The following TMEM132D variants were observed in gnomAD, a reference collection of about 807,000 sequenced individuals.
TMEM132D encodes the protein transmembrane protein 132D, also known as mature OL transmembrane protein.
In TMEM132D, 21 loss-of-function variants were observed where a neutral mutation model predicts 62.3. The ratio of observed to expected loss-of-function variants is 0.34; its 90% CI spans 0.24 to 0.49. The LOEUF (loss-of-function observed/expected upper bound fraction) is 0.49, where lower values mean the gene tolerates loss of function less well. Ranked by LOEUF, TMEM132D falls within the 20% of genes least tolerant of loss-of-function variation. The probability of loss-of-function intolerance (pLI) is 0.99; values close to 1 mark genes in which losing one functional copy is unlikely to be tolerated. For missense variants in TMEM132D, 1,346 were observed against 1,402.8 expected (o/e 0.96, Z 0.65); for synonymous variants, 621 against 575.6 (o/e 1.08, Z -1.13).
intron 5 of TMEM132D, among the ~76,000 whole-genome samples, chr12:129,171,327 T>C (rs533212279): frequency 1.1e-4 from 17 of 152,146 alleles, no homozygotes; most frequent in Non-Finnish European, 2.4e-4. Context: ...TCTCTTGCTG[T>C]TTCCCCCACA....
At chr12:129,257,456 G>A (rs182832443) in intron 4 of TMEM132D, among the ~76,000 whole-genome samples, 2 of 152,040 alleles carry the variant, frequency 1.3e-5, no homozygotes, top group African/African-American at 2.4e-5. Context: ...TGATCTGCCC[G>A]CCTCGGCCTC....
At chr12:129,110,223 G>C (rs746381164) in intron 5 of TMEM132D, 2 of 151,892 alleles carry the variant, frequency 1.3e-5, no homozygotes, top group Non-Finnish European at 2.9e-5. Flanking sequence ...TTAATCTCTG[G>C]TGCACTTAAC....
intron 4 of TMEM132D, among the ~76,000 whole-genome samples, chr12:129,328,518 C>A (rs1230493279): frequency 1.3e-5 from 2 of 152,214 alleles, no homozygotes; most frequent in African/African-American, 4.8e-5. Context: ...CATTGAAGTT[C>A]AGCCGACACC....
intron 1 of TMEM132D, among the ~76,000 whole-genome samples, chr12:129,841,094 A>C (rs1402767454): frequency 1.3e-5 from 2 of 152,194 alleles, no homozygotes; most frequent in African/African-American, 4.8e-5. Context: ...GGATGCATAA[A>C]CACGCAGAGT....
chr12:129,254,542 G>A (rs964989923), intron 4 of TMEM132D, among the ~76,000 whole-genome samples: 3 of 152,106 alleles, frequency 2.0e-5, no homozygotes, highest in Non-Finnish European at 4.4e-5. Flanking sequence ...ATAAATATGA[G>A]TATCTAAATT....
chr12:129,374,594 C>A lies in TMEM132D; in HGVS notation c.1116-36777G>T, dbSNP rs1870727972. On this transcript the variant is annotated intron_variant, in intron 3 of 8. Coordinates refer to ENST00000422113, the MANE Select transcript of TMEM132D (RefSeq NM_133448.3). ...AGGAAAGAACCACGGCATAGATGTT[C>A]AGCCTTGTTTTCAGGAAACAAGGTG... Among the ~76,000 whole-genome samples, 3 of 152,064 alleles carry A rather than the reference C, an allele frequency of 2.0e-5. 1 individual carries two copies. The South Asian group carries it at 6.2e-4, about 32-fold the overall frequency.
intron 2 of TMEM132D, among the ~76,000 whole-genome samples, chr12:129,586,264 T>C (rs1404603864): frequency 6.6e-6 from 1 of 150,510 alleles, no homozygotes; most frequent in Admixed American, 6.6e-5. Context: ...AGTCACGACT[T>C]CCATCCTGTG....
chr12:129,315,154 G>C (rs1271853204), intron 4 of TMEM132D, among the ~76,000 whole-genome samples: 1 of 152,040 alleles, frequency 6.6e-6, no homozygotes, highest in African/African-American at 2.4e-5. Context: ...TTGTCTGATT[G>C]CTCTGGCCAG....
chr12:129,204,189 G>T (rs565266228), intron 5 of TMEM132D, among the ~76,000 whole-genome samples: 4 of 152,160 alleles, frequency 2.6e-5, no homozygotes, highest in Non-Finnish European at 5.9e-5. Context: ...GGTTGAAATG[G>T]CTGAAATGAT....
chr12:129,443,376 A>G (rs1593010893), intron 3 of TMEM132D, among the ~76,000 whole-genome samples: 1 of 152,326 alleles, frequency 6.6e-6, no homozygotes, highest in Non-Finnish European at 1.5e-5. Context: ...TGAACTGTTA[A>G]GTCCCATTCT....
intron 5 of TMEM132D, among the ~76,000 whole-genome samples, chr12:129,151,880 C>CTTTT (rs11384544): frequency 1.5e-5 from 2 of 133,524 alleles, no homozygotes; most frequent in African/African-American, 2.8e-5. Context: ...GTGATTCAAC[C>CTTTT]TTTTTTTTTT....
chr12:129,648,752 T>A (rs752459128), intron 2 of TMEM132D, among the ~76,000 whole-genome samples: 1 of 152,218 alleles, frequency 6.6e-6, no homozygotes, highest in Non-Finnish European at 1.5e-5. Flanking sequence ...CGCATTTGAT[T>A]TCAATGAATA....
intron 1 of TMEM132D, among the ~76,000 whole-genome samples, chr12:129,788,658 T>C (rs770285122): frequency 7.9e-5 from 12 of 152,154 alleles, no homozygotes; most frequent in African/African-American, 1.2e-4. Context: ...ACAGGATGAA[T>C]TGATTGACTC....
rs1870648620 is a variant in TMEM132D, at chr12:129,372,622, G to A, written c.1116-34805C>T. ...TTTTCATAGGAGTGCAAACCCTGTTGTTTGCACTACAGGGATACTATGCTG... is the reference window on the plus strand; with the variant it reads ...TTTTCATAGGAGTGCAAACCCTGTTATTTGCACTACAGGGATACTATGCTG... On this transcript the variant is annotated intron_variant, in intron 3 of 8. Coordinates refer to ENST00000422113, the MANE Select transcript of TMEM132D (RefSeq NM_133448.3). Among the ~76,000 whole-genome samples, 3 of 152,016 alleles carry A rather than the reference G, an allele frequency of 2.0e-5. No individual in the cohort carries two copies. The South Asian group carries it at 6.2e-4, about 31-fold the overall frequency.
chr12:129,271,832 T>C (rs2135601309), intron 4 of TMEM132D, among the ~76,000 whole-genome samples: 1 of 152,062 alleles, frequency 6.6e-6, no homozygotes, highest in Middle Eastern at 3.4e-3. Flanking sequence ...TAGGTTGCTT[T>C]CAAGTCTTTG....
intron 5 of TMEM132D, among the ~76,000 whole-genome samples, chr12:129,193,154 T>C (rs1279334101): frequency 2.1e-5 from 1 of 46,772 alleles, no homozygotes; most frequent in Non-Finnish European, 4.3e-5. Context: ...TGAGATTCTG[T>C]CTCAAAAAAA....
intron 3 of TMEM132D, among the ~76,000 whole-genome samples, chr12:129,458,704 C>T (rs551565728): frequency 5.3e-4 from 80 of 152,260 alleles, no homozygotes; most frequent in Non-Finnish European, 1.0e-3. Context: ...GGAATTCAGA[C>T]GGGGCCCCTA....
At chr12:129,151,471 C>T (rs1040276974) in intron 5 of TMEM132D, among the ~76,000 whole-genome samples, 19 of 152,222 alleles carry the variant, frequency 1.2e-4, no homozygotes, top group African/African-American at 3.6e-4. Context: ...CCATCACACC[C>T]GTCTTGTCTC....
chr12:129,898,690 A>C (rs1875231261), intron 1 of TMEM132D, among the ~76,000 whole-genome samples: 1 of 152,344 alleles, frequency 6.6e-6, no homozygotes, highest in African/African-American at 2.4e-5. Flanking sequence ...CACAGTGCTA[A>C]CTTTATGTTT....
Sources: allele counts gnomAD v4.1 joint callset (sites outside exome capture counted in the v4.1 genomes callset), GRCh38; gene constraint gnomAD v4.1.1; transcripts MANE v1.5; gene names NCBI Gene and HGNC (gene_info 2026-07-23, HGNC 2026-07-21).